CPXM2: variants seen among roughly 807,000 people sequenced by gnomAD.
The protein encoded by CPXM2 is inactive carboxypeptidase-like protein X2.
A neutral mutation model predicts 86.1 loss-of-function variants in CPXM2; 66 were observed. The ratio of observed to expected loss-of-function variants is 0.77; its 90% CI spans 0.63 to 0.94. The LOEUF is 0.94. Ranked by LOEUF, CPXM2 falls within the 40% of genes least tolerant of loss-of-function variation. CPXM2 has a pLI of 0.00. For missense variants in CPXM2, 948 were observed against 1,026.3 expected, an observed-to-expected ratio of 0.92 and a Z score of 1.04; for synonymous variants, 388 against 400.2, an observed-to-expected ratio of 0.97 and a Z score of 0.36.
chr10:123,798,720 G>A (rs1847388419), intron 5 of CPXM2, among the ~76,000 whole-genome samples: 1 of 152,186 alleles, frequency 6.6e-6, no homozygotes, highest in African/African-American at 2.4e-5. Flanking sequence ...GGAAGAGAGT[G>A]ACAGGATCAG....
intron 2 of CPXM2, among the ~76,000 whole-genome samples, chr10:123,923,385 C>A (rs28675222): frequency 0.084 from 12,551 of 149,296 alleles, 621 homozygotes; most frequent in Admixed American, 0.1. Flanking sequence ...TCGAGACCAT[C>A]CTGGCTAACA....
intron 4 of CPXM2, among the ~76,000 whole-genome samples, chr10:123,811,854 A>G (rs1364707666): frequency 6.6e-6 from 1 of 152,244 alleles, no homozygotes; most frequent in Non-Finnish European, 1.5e-5. Context: ...GTTAGTGGTT[A>G]CGGAAATGCA....
chr10:123,878,792 C>T (rs1232405436), intron 2 of CPXM2, among the ~76,000 whole-genome samples: 3 of 152,110 alleles, frequency 2.0e-5, no homozygotes, highest in Admixed American at 6.6e-5. Context: ...CCCAGGGAGG[C>T]AAGACCAACT....
At chr10:123,896,396 A>G (rs375690031), upstream of CPXM2, among the ~76,000 whole-genome samples, 2 of 152,216 alleles carry the variant, frequency 1.3e-5, no homozygotes, top group Admixed American at 6.5e-5. Flanking sequence ...TATAATTACA[A>G]AGCTGGAGGG....
chr10:123,888,761 G>A (rs1945219347), intron 1 of CPXM2, among the ~76,000 whole-genome samples: 2 of 152,202 alleles, frequency 1.3e-5, no homozygotes, highest in African/African-American at 2.4e-5. Flanking sequence ...CACTTGTCTT[G>A]TCATGGTTGG....
intron 2 of CPXM2, among the ~76,000 whole-genome samples, chr10:123,939,150 C>T (rs1945750485): frequency 6.6e-6 from 1 of 152,196 alleles, no homozygotes; most frequent in African/African-American, 2.4e-5. Flanking sequence ...CTCAGACCCA[C>T]AGAGCCGTAG....
At chr10:123,933,579 G>C (rs1306164371) in intron 2 of CPXM2, among the ~76,000 whole-genome samples, 1 of 152,032 alleles carries the variant, frequency 6.6e-6, no homozygotes, top group Admixed American at 6.6e-5. Flanking sequence ...TTAGCCAGGG[G>C]TGGTGGCATA....
Position 123,929,773 on chromosome 10 carries a change from A to G in CPXM2, n.174+9704T>C, listed in dbSNP as rs79473922. On this transcript the variant is annotated intron_variant and non_coding_transcript_variant, in intron 2 of 19. Coordinates refer to the CPXM2 transcript ENST00000368854. Reference sequence around the variant, plus strand: ...CAGAAAGGCAAGCAGGTCCTGTCTTAGAGCGGGGTGTGCACCCACACAGAT... The same window carrying G: ...CAGAAAGGCAAGCAGGTCCTGTCTTGGAGCGGGGTGTGCACCCACACAGAT... 3.8e-3 allele frequency among the ~76,000 whole-genome samples: 585 copies of G among 152,246 alleles called. 25 individuals are homozygous for G. The East Asian group carries it at 0.089, about 23-fold the overall frequency.
intron 6 of CPXM2, among the ~76,000 whole-genome samples, chr10:123,796,824 G>A (rs529494425): frequency 1.3e-5 from 2 of 152,318 alleles, no homozygotes; most frequent in Admixed American, 6.5e-5. Context: ...GGAGAGTTTG[G>A]GGGATGAGTG....
intron 12 of CPXM2, among the ~76,000 whole-genome samples, chr10:123,756,809 A>G (rs558153956): frequency 6.6e-6 from 1 of 152,352 alleles, no homozygotes; most frequent in African/African-American, 2.4e-5. Context: ...CTCCGAGGAC[A>G]CCGACCCTGT....
At chr10:123,887,358 A>C (rs1945194516) in intron 1 of CPXM2, among the ~76,000 whole-genome samples, 1 of 152,202 alleles carries the variant, frequency 6.6e-6, no homozygotes, top group African/African-American at 2.4e-5. Context: ...ACCTAAGAAA[A>C]AGATTCTACG....
chr10:123,901,955 C>G (rs1424892706), intron 2 of CPXM2, among the ~76,000 whole-genome samples: 1 of 152,218 alleles, frequency 6.6e-6, no homozygotes, highest in African/African-American at 2.4e-5. Flanking sequence ...AAACTGTTCA[C>G]TGGAATGAAG....
At chr10:123,829,045 A>AGAACATGGACAAAAGACAGGAAG (rs1308682028) in intron 4 of CPXM2, among the ~76,000 whole-genome samples, 2 of 152,394 alleles carry the variant, frequency 1.3e-5, no homozygotes, top group South Asian at 4.1e-4. Flanking sequence ...CAATGCAACT[A>AGAACATGGACAAAAGACAGGAAG]GAACATGGAC....
At chr10:123,816,272 T>C (rs939178511) in intron 4 of CPXM2, among the ~76,000 whole-genome samples, 3 of 152,206 alleles carry the variant, frequency 2.0e-5, no homozygotes, top group Non-Finnish European at 4.4e-5. Context: ...AGTGCCAGAA[T>C]GCATAATTGG....
chr10:123,853,937 G>A (rs77438488), intron 3 of CPXM2, among the ~76,000 whole-genome samples: 1,894 of 152,064 alleles, frequency 0.012, 34 homozygotes, highest in African/African-American at 0.043. Flanking sequence ...AGAATCTGCT[G>A]TTATTCTTTC....
intron 6 of CPXM2, among the ~76,000 whole-genome samples, chr10:123,789,040 C>A (rs144272900): frequency 1.8e-4 from 28 of 152,246 alleles, no homozygotes; most frequent in Middle Eastern, 3.4e-3. Flanking sequence ...TCCCCAAACC[C>A]CAACATGCTC....
chr10:123,858,829 T>G (rs981555047), intron 3 of CPXM2, among the ~76,000 whole-genome samples: 5 of 152,368 alleles, frequency 3.3e-5, no homozygotes, highest in Admixed American at 1.3e-4. Flanking sequence ...CACAATGGTC[T>G]GCTGCAAGAA....
intron 3 of CPXM2, among the ~76,000 whole-genome samples, chr10:123,852,988 A>G (rs1182757867): frequency 1.3e-5 from 2 of 152,180 alleles, no homozygotes; most frequent in African/African-American, 2.4e-5. Flanking sequence ...TCCCTGCCCA[A>G]ATCTCACGTC....
chr10:123,848,041 G>A (rs938839659), intron 3 of CPXM2, among the ~76,000 whole-genome samples: 2 of 152,216 alleles, frequency 1.3e-5, no homozygotes, highest in Non-Finnish European at 2.9e-5. Context: ...GCTATTTGGA[G>A]AGAAACAGGA....
Sources: allele counts gnomAD v4.1 joint callset (sites outside exome capture counted in the v4.1 genomes callset), GRCh38; gene constraint gnomAD v4.1.1; transcripts MANE v1.5; gene names NCBI Gene and HGNC (gene_info 2026-07-23, HGNC 2026-07-21).